GALNT13: variants seen among roughly 807,000 people sequenced by gnomAD.
The protein encoded by GALNT13 is polypeptide N-acetylgalactosaminyltransferase 13, also known as UDP-GalNAc:polypeptide N-acetylgalactosaminyltransferase 13.
GALNT13 carries 28 observed loss-of-function variants against 64.2 expected under a neutral mutation model. The ratio of observed to expected loss-of-function variants is 0.44; its 90% CI spans 0.32 to 0.60. GALNT13 has a LOEUF of 0.60. Among genes scored for constraint, GALNT13 ranks in the 20% least tolerant of loss-of-function variants. GALNT13 has a pLI of 0.05. For synonymous variants in GALNT13, 214 were observed against 224.6 expected, an observed-to-expected ratio of 0.95 and a Z score of 0.42; for missense variants, 577 against 669.8, an observed-to-expected ratio of 0.86 and a Z score of 1.53.
the GALNT13 span, among the ~76,000 whole-genome samples, chr2:153,709,051 A>C: frequency 1.3e-5 from 2 of 152,072 alleles, no homozygotes; most frequent in Non-Finnish European, 2.9e-5. Context: ...TCAGGGGAAA[A>C]ATTACATGAC....
the GALNT13 span, among the ~76,000 whole-genome samples, chr2:153,483,357 CTG>C: frequency 1.3e-5 from 2 of 150,280 alleles, no homozygotes; most frequent in African/African-American, 2.5e-5. Flanking sequence ...GATAAACAAA[CTG>C]TGGTATTTAC....
the GALNT13 span, among the ~76,000 whole-genome samples, chr2:153,747,143 T>C: frequency 6.6e-6 from 1 of 152,116 alleles, no homozygotes; most frequent in African/African-American, 2.4e-5. Context: ...AAGCATGAAA[T>C]GTGAAATAAT....
chr2:153,114,912 T>G, the GALNT13 span, among the ~76,000 whole-genome samples: 1 of 152,154 alleles, frequency 6.6e-6, no homozygotes, highest in Non-Finnish European at 1.5e-5. Flanking sequence ...AGGCCTGAGT[T>G]TAAATGGAAT....
At chr2:153,538,362 ATTTTATTTATTTTAT>A in the GALNT13 span, among the ~76,000 whole-genome samples, 1 of 59,998 alleles carries the variant, frequency 1.7e-5, no homozygotes, top group East Asian at 5.0e-4. Flanking sequence ...ATTTATTTTT[ATTTTATTTATTTTAT>A]TTTATTTTAT....
At chr2:153,189,899 C>G in the GALNT13 span, among the ~76,000 whole-genome samples, 1 of 151,940 alleles carries the variant, frequency 6.6e-6, no homozygotes, top group Non-Finnish European at 1.5e-5. Context: ...ATTTGTATTC[C>G]TTCTTTTGAG....
chr2:153,394,888 C>T, the GALNT13 span, among the ~76,000 whole-genome samples: 1 of 152,120 alleles, frequency 6.6e-6, no homozygotes, highest in Non-Finnish European at 1.5e-5. Flanking sequence ...CAGGATCTCA[C>T]AAGTCTGGGA....
the GALNT13 span, among the ~76,000 whole-genome samples, chr2:153,699,342 G>T: frequency 6.6e-6 from 1 of 152,152 alleles, no homozygotes; most frequent in Non-Finnish European, 1.5e-5. Context: ...CTAAATCAGT[G>T]TGTAGAGGGA....
the GALNT13 span, among the ~76,000 whole-genome samples, chr2:153,248,110 C>A: frequency 6.6e-6 from 1 of 152,176 alleles, no homozygotes; most frequent in Non-Finnish European, 1.5e-5. Flanking sequence ...GAGACAGATT[C>A]ACAGCCGAAT....
At chr2:154,327,131 A>ATAGT (rs1470213178) in intron 9 of GALNT13, among the ~76,000 whole-genome samples, 1 of 151,486 alleles carries the variant, frequency 6.6e-6, no homozygotes, top group Non-Finnish European at 1.5e-5. Context: ...CTATCCCATA[A>ATAGT]TAGTGAGTGA....
At chr2:153,921,830 T>G (rs1471960209) in intron 2 of GALNT13, among the ~76,000 whole-genome samples, 1 of 151,894 alleles carries the variant, frequency 6.6e-6, no homozygotes, top group African/African-American at 2.4e-5. Context: ...GCAGAGCCAA[T>G]TAAAAACTGA....
At chr2:153,826,620 G>A in the GALNT13 span, among the ~76,000 whole-genome samples, 1 of 152,134 alleles carries the variant, frequency 6.6e-6, no homozygotes, top group African/African-American at 2.4e-5. Flanking sequence ...ACAGAAAACT[G>A]TAAAGAGTTT....
chr2:153,392,827 T>C, the GALNT13 span, among the ~76,000 whole-genome samples: 2 of 151,980 alleles, frequency 1.3e-5, no homozygotes, highest in Non-Finnish European at 2.9e-5. Flanking sequence ...GCAATCATAT[T>C]AAAAGGTAGA....
the GALNT13 span, among the ~76,000 whole-genome samples, chr2:153,403,322 T>C: frequency 6.6e-6 from 1 of 151,814 alleles, no homozygotes; most frequent in Non-Finnish European, 1.5e-5. Flanking sequence ...GAACCACTGC[T>C]CTCTTCAAAG....
chr2:153,146,058 A>G, the GALNT13 span, among the ~76,000 whole-genome samples: 1 of 151,982 alleles, frequency 6.6e-6, no homozygotes, highest in Non-Finnish European at 1.5e-5. Context: ...AATTAGTAGC[A>G]GAGCCAATAT....
chr2:154,034,001 T>C (rs1698505464), intron 3 of GALNT13, among the ~76,000 whole-genome samples: 1 of 152,042 alleles, frequency 6.6e-6, no homozygotes, highest in African/African-American at 2.4e-5. Context: ...CTGGAGTGAC[T>C]GGAGCCCTCA....
chr2:154,265,656 A>C (rs910490748), intron 8 of GALNT13, among the ~76,000 whole-genome samples: 1 of 152,110 alleles, frequency 6.6e-6, no homozygotes, highest in Non-Finnish European at 1.5e-5. Flanking sequence ...CCAAGACTGC[A>C]CCATTGCACT....
the GALNT13 span, among the ~76,000 whole-genome samples, chr2:153,258,988 C>G: frequency 6.6e-6 from 1 of 152,092 alleles, no homozygotes; most frequent in Non-Finnish European, 1.5e-5. Flanking sequence ...GCTGATATGT[C>G]TGATGTTTCT....
At chr2:153,191,263 T>C in the GALNT13 span, among the ~76,000 whole-genome samples, 7 of 134,164 alleles carry the variant, frequency 5.2e-5, no homozygotes, top group Admixed American at 1.5e-4. Context: ...TCCTTGTTTG[T>C]TGAGTGTATT....
the GALNT13 span, among the ~76,000 whole-genome samples, chr2:153,706,412 T>C: frequency 6.6e-6 from 1 of 152,342 alleles, no homozygotes; most frequent in African/African-American, 2.4e-5. Flanking sequence ...TACAAAGTTG[T>C]CTTGAAATTA....
Sources: allele counts gnomAD v4.1 joint callset (sites outside exome capture counted in the v4.1 genomes callset), GRCh38; gene constraint gnomAD v4.1.1; transcripts MANE v1.5; gene names NCBI Gene and HGNC (gene_info 2026-07-23, HGNC 2026-07-21).